RBFOX1: variants seen among roughly 807,000 people sequenced by gnomAD.
The protein encoded by RBFOX1 is RNA binding fox-1 homolog 1.
In RBFOX1, 8 loss-of-function variants were observed where a neutral mutation model predicts 57.7. The ratio of observed to expected loss-of-function variants is 0.14; its 90% CI spans 0.08 to 0.25. RBFOX1 has a LOEUF of 0.25. Among genes scored for constraint, RBFOX1 ranks in the 10% least tolerant of loss-of-function variants. The probability of loss-of-function intolerance (pLI) is 1.00; values close to 1 mark genes in which losing one functional copy is unlikely to be tolerated. For missense variants in RBFOX1, 611 were observed against 548.5 expected (o/e 1.11, Z -1.14); for synonymous variants, 326 against 222.4 (o/e 1.47, Z -4.15).
chr16:7,070,250 C>T (rs532341351), intron 4 of RBFOX1, among the ~76,000 whole-genome samples: 2 of 152,290 alleles, frequency 1.3e-5, no homozygotes, highest in East Asian at 1.9e-4. Flanking sequence ...GATGTATTTG[C>T]TGCCACATTC....
intron 4 of RBFOX1, among the ~76,000 whole-genome samples, chr16:7,383,633 C>G (rs1320317578): frequency 6.6e-6 from 1 of 152,140 alleles, no homozygotes; most frequent in Non-Finnish European, 1.5e-5. Flanking sequence ...GAGAATATGA[C>G]ACCTTCATGA....
intron 4 of RBFOX1, among the ~76,000 whole-genome samples, chr16:7,330,986 C>T (rs1481579715): frequency 6.6e-6 from 1 of 152,126 alleles, no homozygotes; most frequent in East Asian, 1.9e-4. Flanking sequence ...GGTCAGTGCG[C>T]AGCTGTTATG....
intron 2 of RBFOX1, among the ~76,000 whole-genome samples, chr16:6,468,615 CT>C (rs59365759): frequency 0.043 from 6,174 of 144,964 alleles, 262 homozygotes; most frequent in African/African-American, 0.11. Context: ...CCTTAAATGA[CT>C]TTTTTTTTTT....
At position 7,018,922 on chromosome 16, in the gene RBFOX1, C is replaced by G. The variant is rs973410879; in HGVS notation, c.-15-33135C>G. 1.2e-4 allele frequency among the ~76,000 whole-genome samples: 19 copies of G among 152,146 alleles called. No individual in the cohort carries two copies. The South Asian group carries it at 2.3e-3, about 18-fold the overall frequency. On this transcript the variant is annotated intron_variant, in intron 3 of 15. Transcript: ENST00000550418. ...TCTCTTGAGCTCAGGAGTTCAAGAC[C>G]AGCCTGGGCAACACAGTGAGACCTC...
At chr16:5,403,583 T>A (rs202201363) in intron 1 of RBFOX1, among the ~76,000 whole-genome samples, 3 of 152,038 alleles carry the variant, frequency 2.0e-5, no homozygotes, top group African/African-American at 7.2e-5. Context: ...TAGCTGGGAT[T>A]ACAGGTGCAT....
intron 9 of RBFOX1, among the ~76,000 whole-genome samples, chr16:7,599,514 G>C (rs1471749856): frequency 6.6e-6 from 1 of 152,098 alleles, no homozygotes; most frequent in Non-Finnish European, 1.5e-5. Flanking sequence ...GGAATATGAG[G>C]TATGCATTAT....
chr16:6,808,651 C>G lies in RBFOX1; in HGVS notation c.-16+154001C>G, dbSNP rs1351528688. ...GAATAGATAATAGATTAATATGAAT[C>G]TTATTTTACCAGGCAGAAAAATGGT... On this transcript the variant is annotated intron_variant, in intron 3 of 15. Transcript: ENST00000550418. Among the ~76,000 whole-genome samples the G allele has an allele frequency of 2.0e-5, 3 of 152,166 alleles. No homozygotes were observed. In the East Asian group the frequency reaches 5.8e-4, roughly 29 times the overall value.
intron 1 of RBFOX1, among the ~76,000 whole-genome samples, chr16:6,291,996 G>A (rs2077518171): frequency 6.6e-6 from 1 of 151,976 alleles, no homozygotes; most frequent in African/African-American, 2.4e-5. Context: ...TGTGTAGTTT[G>A]GGTCTGTGTT....
chr16:6,124,551 G>A (rs116309394), intron 1 of RBFOX1, among the ~76,000 whole-genome samples: 160 of 152,190 alleles, frequency 1.1e-3, no homozygotes, highest in African/African-American at 3.5e-3. Context: ...TGCCCAGACT[G>A]GGGTGCAGTG....
At chr16:5,825,202 T>C (rs1342501234) in intron 3 of RBFOX1, among the ~76,000 whole-genome samples, 2 of 152,222 alleles carry the variant, frequency 1.3e-5, no homozygotes, top group Non-Finnish European at 2.9e-5. Flanking sequence ...CTTGCAAGCG[T>C]TGCTTAACTT....
chr16:5,580,715 C>T (rs2046636564), intron 2 of RBFOX1, among the ~76,000 whole-genome samples: 1 of 152,204 alleles, frequency 6.6e-6, no homozygotes, highest in Non-Finnish European at 1.5e-5. Flanking sequence ...TGCGTCTGCA[C>T]ATAGAGGCCG....
In RBFOX1 at chr16:7,028,584, T is replaced by TCA. The variant is rs59540999; in HGVS notation, c.-15-23448_-15-23447dup. The stretch of plus-strand genomic sequence containing the variant: ...CCTGGGCAATAAGAGTGAAACTCCC[T>TCA]CACACACACACACACACACACACAC... On this transcript the variant is annotated intron_variant, in intron 3 of 15. Transcript: ENST00000550418. Among the ~76,000 whole-genome samples, 292 of 55,056 alleles carry TCA rather than the reference T, an allele frequency of 5.3e-3. 20 individuals are homozygous for TCA. The highest frequency in any genetic ancestry group is 0.011 in the Middle Eastern group (1 of 94). The allele number at this position is 55,056 out of a possible 152,430, so 36.1% of individuals were successfully genotyped here. A position where few individuals can be genotyped will look rare whatever the true frequency, so the allele number is the denominator to read the frequency against.
intron 2 of RBFOX1, among the ~76,000 whole-genome samples, chr16:5,522,703 C>A (rs977037716): frequency 3.9e-5 from 6 of 152,200 alleles, no homozygotes; most frequent in Non-Finnish European, 7.3e-5. Flanking sequence ...CCAGACACAA[C>A]CTTCCCCACC....
At chr16:6,277,178 C>T (rs2075887430) in intron 1 of RBFOX1, among the ~76,000 whole-genome samples, 1 of 152,058 alleles carries the variant, frequency 6.6e-6, no homozygotes, top group Non-Finnish European at 1.5e-5. Context: ...AGTCAATTTT[C>T]AGCTGGGCAC....
intron 3 of RBFOX1, among the ~76,000 whole-genome samples, chr16:6,885,536 T>A (rs1319869105): frequency 2.2e-5 from 3 of 134,654 alleles, no homozygotes; most frequent in Non-Finnish European, 3.3e-5. Flanking sequence ...TTTTTTATTT[T>A]TTTTATTTTT....
Position 6,449,961 on chromosome 16 carries a change from C to G in RBFOX1, c.-64+132904C>G, listed in dbSNP as rs574461234. Among the ~76,000 whole-genome samples, 6 of 152,288 alleles carry G rather than the reference C, an allele frequency of 3.9e-5. 1 individual carries two copies. The South Asian group carries it at 1.2e-3, about 32-fold the overall frequency. On this transcript the variant is annotated intron_variant, in intron 2 of 15. Transcript: ENST00000550418. ...TGGATGATGCCAGGTCAGGAGAGAG[C>G]TGTGTGCATGGAGTGGATTGCGTTA...
At chr16:6,112,429 G>A (rs1003154679) in intron 1 of RBFOX1, among the ~76,000 whole-genome samples, 8 of 152,154 alleles carry the variant, frequency 5.3e-5, no homozygotes, top group Non-Finnish European at 7.4e-5. Context: ...GGTGACTCAC[G>A]CCTGTAATCC....
At chr16:6,813,123 C>A (rs1440673606) in intron 3 of RBFOX1, among the ~76,000 whole-genome samples, 1 of 151,728 alleles carries the variant, frequency 6.6e-6, no homozygotes, top group Non-Finnish European at 1.5e-5. Context: ...AAAGTGCAAC[C>A]TAAGTTTTCA....
At position 7,378,735 on chromosome 16, in the gene RBFOX1, C is replaced by T. The variant is rs117531720; in HGVS notation, c.28-139412C>T. Among the ~76,000 whole-genome samples, 100 of 152,282 alleles carry T rather than the reference C, an allele frequency of 6.6e-4. No homozygotes were observed. The East Asian group carries it at 0.012, about 18-fold the overall frequency. On this transcript the variant is annotated intron_variant, in intron 4 of 15. Coordinates refer to ENST00000550418, the MANE Select transcript of RBFOX1 (RefSeq NM_018723.4). ...CCGCCAAACCCTGGTGAGCTTTCTG[C>T]TGCTTTTCTCAATGGCTGATCTAAG... is the stretch of plus-strand genomic sequence containing the variant.
Sources: gnomAD v4.1 joint callset for allele counts (sites outside exome capture counted in the v4.1 genomes callset) on GRCh38, gnomAD v4.1.1 for gene constraint, MANE v1.5 for transcripts, NCBI Gene and HGNC (gene_info 2026-07-23, HGNC 2026-07-21) for gene names.